Variants in MSRA observed in about 807,000 individuals in gnomAD.
MSRA encodes mitochondrial peptide methionine sulfoxide reductase.
A neutral mutation model predicts 31.3 loss-of-function variants in MSRA; 54 were observed. The ratio of observed to expected loss-of-function variants is 1.73; its 90% CI spans 1.39 to 2.17. The LOEUF (loss-of-function observed/expected upper bound fraction) is 2.17, where lower values mean the gene tolerates loss of function less well. Among genes scored for constraint, MSRA ranks in the 30% most tolerant of loss-of-function variants. MSRA has a pLI of 0.00. For synonymous variants in MSRA, 169 were observed against 116.5 expected (o/e 1.45, Z -2.90); for missense variants, 507 against 300.9 (o/e 1.69, Z -5.07).
rs1310534390 is a variant in MSRA at position 10,245,121 on chromosome 8, G to T, written c.229G>T (p.Gly77Ter). ...MAVFGMGCFWGAERKFWVLKG... is the reference protein window; with the variant it reads ...MAVFGMGCFW The stretch of plus-strand genomic sequence containing the variant: ...TTTTTAAGGAATGGGATGTTTCTGG[G>T]GAGCTGAAAGGAAATTCTGGGTCTT... The change falls in exon 3 of 6, where the codon GGA becomes TGA. Residue 77 changes from glycine to a stop codon, truncating the protein, a stop_gained. Coordinates refer to ENST00000317173, the MANE Select transcript of MSRA (RefSeq NM_012331.5). LOFTEE classifies it high-confidence loss of function. The T allele has an allele frequency of 5.0e-6, 8 of 1,612,940 alleles. No homozygotes were observed. The highest frequency in any genetic ancestry group is 6.8e-6 in the Non-Finnish European group (8 of 1,179,652).
At chr8:10,208,296 C>A (rs950516852) in intron 2 of MSRA, among the ~76,000 whole-genome samples, 1 of 151,818 alleles carries the variant, frequency 6.6e-6, no homozygotes, top group Admixed American at 6.6e-5. Context: ...AAAGATTAAT[C>A]TAATTGAATG....
chr8:10,230,771 T>G (rs1413078017), intron 2 of MSRA, among the ~76,000 whole-genome samples: 2 of 152,146 alleles, frequency 1.3e-5, no homozygotes, highest in African/African-American at 2.4e-5. Context: ...TCTTACCTAT[T>G]TGTGGGTTTG....
chr8:10,368,390 T>C (rs980165516), intron 5 of MSRA, among the ~76,000 whole-genome samples: 3 of 152,240 alleles, frequency 2.0e-5, no homozygotes, highest in African/African-American at 7.2e-5. Flanking sequence ...TATCATTTGA[T>C]TTGCTAAAAG....
At chr8:10,301,402 C>T in intron 3 of MSRA, 132 bp from the exon 4 acceptor site, 1 of 657,440 alleles carries the variant, frequency 1.5e-6, no homozygotes, top group Admixed American at 2.7e-5. Flanking sequence ...TAGCTAAAGT[C>T]TAATCCTCCT....
At chr8:10,078,576 G>A (rs1311877691) in intron 1 of MSRA, among the ~76,000 whole-genome samples, 2 of 152,360 alleles carry the variant, frequency 1.3e-5, no homozygotes, top group East Asian at 3.9e-4. Context: ...AGAGATGGGA[G>A]CTGTAAACTG....
chr8:10,274,810 TCCATCTAC>T lies in MSRA; in HGVS notation c.332-26718_332-26711del, dbSNP rs569631498. Among the ~76,000 whole-genome samples, 548 of 152,040 alleles carry T rather than the reference TCCATCTAC, an allele frequency of 3.6e-3. 2 individuals are homozygous for T. The highest frequency in any genetic ancestry group is 0.013 in the African/African-American group (527 of 41,472). ...ATCCACTCATCTAACCATTCATCCA[TCCATCTAC>T]CCATCCACCCACTCACCTGTTCAAC... On this transcript the variant is annotated intron_variant, in intron 3 of 5. Coordinates refer to ENST00000317173, the MANE Select transcript of MSRA (RefSeq NM_012331.5).
At chr8:10,395,259 G>T (rs539476446) in intron 5 of MSRA, among the ~76,000 whole-genome samples, 1 of 152,104 alleles carries the variant, frequency 6.6e-6, no homozygotes, top group Admixed American at 6.5e-5. Context: ...GTGTGCATAC[G>T]TGCACACACA....
chr8:10,353,598 C>G (rs192996662), intron 5 of MSRA: 2 of 456,188 alleles, frequency 4.4e-6, no homozygotes, highest in Non-Finnish European at 8.8e-6. Flanking sequence ...GTCTTTCTAG[C>G]TATGCCTTTT....
At chr8:10,407,378 A>G (rs1024993794) in intron 5 of MSRA, among the ~76,000 whole-genome samples, 1 of 152,190 alleles carries the variant, frequency 6.6e-6, no homozygotes, top group Non-Finnish European at 1.5e-5. Flanking sequence ...GCAGCAGTCC[A>G]GACAAAGGTG....
intron 5 of MSRA, among the ~76,000 whole-genome samples, chr8:10,331,257 T>C (rs553475235): frequency 1.6e-4 from 24 of 152,340 alleles, no homozygotes; most frequent in Admixed American, 1.4e-3. Context: ...TTTTGTGTGC[T>C]GCACTCCATG....
At chr8:10,352,356 G>A (rs989556519) in intron 5 of MSRA, among the ~76,000 whole-genome samples, 7 of 152,084 alleles carry the variant, frequency 4.6e-5, no homozygotes, top group African/African-American at 1.5e-4. Context: ...GCTGGTATGC[G>A]AAGGGGAAAA....
intron 5 of MSRA, among the ~76,000 whole-genome samples, chr8:10,355,107 T>C (rs1804430787): frequency 1.3e-5 from 2 of 152,242 alleles, no homozygotes; most frequent in Admixed American, 6.5e-5. Flanking sequence ...CATAACTCTT[T>C]ACTGTGTCAG....
At chr8:10,095,567 A>G (rs762726047) in intron 1 of MSRA, 1 of 985,874 alleles carries the variant, frequency 1.0e-6, no homozygotes, top group Non-Finnish European at 1.2e-6. Context: ...AGAGAGAGAA[A>G]GAGGGAGAGA....
chr8:10,278,049 A>C (rs1444216079), intron 3 of MSRA, among the ~76,000 whole-genome samples: 2 of 152,092 alleles, frequency 1.3e-5, no homozygotes, highest in Non-Finnish European at 2.9e-5. Context: ...ATCTCCTGTA[A>C]TGTCGATGCT....
intron 5 of MSRA, among the ~76,000 whole-genome samples, chr8:10,390,032 C>A (rs1806642282): frequency 6.6e-6 from 1 of 152,178 alleles, no homozygotes; most frequent in East Asian, 1.9e-4. Flanking sequence ...CTCACCCGAG[C>A]CCACTCCCCA....
chr8:10,135,234 C>T (rs967510202), intron 1 of MSRA, among the ~76,000 whole-genome samples: 1 of 152,212 alleles, frequency 6.6e-6, no homozygotes, highest in African/African-American at 2.4e-5. Flanking sequence ...AGGCCATGCC[C>T]TCTGTGACAT....
chr8:10,055,465 G>C (rs764906725), intron 1 of MSRA, among the ~76,000 whole-genome samples: 3 of 152,214 alleles, frequency 2.0e-5, no homozygotes, highest in Non-Finnish European at 2.9e-5. Context: ...TATTACCTTA[G>C]TGCAGCGCTT....
At chr8:10,404,364 C>G (rs1807662109) in intron 5 of MSRA, among the ~76,000 whole-genome samples, 1 of 152,216 alleles carries the variant, frequency 6.6e-6, no homozygotes, top group Admixed American at 6.5e-5. Flanking sequence ...GACAGTCAAG[C>G]TTGCTGCCAG....
chr8:10,421,110 A>G (rs904523033), intron 5 of MSRA, among the ~76,000 whole-genome samples: 1 of 152,092 alleles, frequency 6.6e-6, no homozygotes, highest in Non-Finnish European at 1.5e-5. Context: ...ATACAGGCTG[A>G]TCCATGTCTA....
Sources: allele counts gnomAD v4.1 joint callset (sites outside exome capture counted in the v4.1 genomes callset), GRCh38; gene constraint gnomAD v4.1.1; transcripts MANE v1.5; gene names NCBI Gene and HGNC (gene_info 2026-07-23, HGNC 2026-07-21).